Variants in LARP1B observed in about 807,000 individuals in gnomAD.
LARP1B encodes the protein la-related protein 1B.
LARP1B carries 76 observed loss-of-function variants against 114.2 expected under a neutral mutation model. The observed-to-expected ratio is 0.67, with a 90% CI of 0.55 to 0.81. The LOEUF (loss-of-function observed/expected upper bound fraction) is 0.81, where lower values mean the gene tolerates loss of function less well. LARP1B is among the 30% of genes least tolerant of loss of function. The pLI is 0.00. For missense variants in LARP1B, 1,014 were observed against 1,075.8 expected (o/e 0.94, Z 0.80); for synonymous variants, 345 against 348.0 (o/e 0.99, Z 0.10).
rs1407318627 is a variant in LARP1B at position 128,108,425 on chromosome 4, A to C, written c.988+1112A>C. On this transcript the variant is annotated intron_variant, in intron 9 of 19. Coordinates refer to ENST00000326639, the MANE Select transcript of LARP1B (RefSeq NM_018078.4). ...TAAGACTTATTAATGTGGTCACTTAAGGGGTAAGGAATTTAAGAACTGGAT... is the reference window on the plus strand; with the variant it reads ...TAAGACTTATTAATGTGGTCACTTACGGGGTAAGGAATTTAAGAACTGGAT... 6 of 985,990 alleles carry C rather than the reference A, an allele frequency of 6.1e-6. No homozygotes were observed. The African/African-American group carries it at 1.0e-4, about 17-fold the overall frequency. The allele number at this position is 985,990 out of a possible 1,614,324, so 61.1% of individuals were successfully genotyped here. A position where few individuals can be genotyped will look rare whatever the true frequency, so the allele number is the denominator to read the frequency against.
At chr4:128,072,637 A>G (rs1272820304) in intron 1 of LARP1B, among the ~76,000 whole-genome samples, 1 of 151,946 alleles carries the variant, frequency 6.6e-6, no homozygotes, top group Non-Finnish European at 1.5e-5. Flanking sequence ...GCTCACTGCA[A>G]CTTTCACCTC....
intron 12 of LARP1B, among the ~76,000 whole-genome samples, chr4:128,169,657 C>A (rs1328552819): frequency 1.3e-5 from 2 of 151,946 alleles, no homozygotes; most frequent in Non-Finnish European, 2.9e-5. Flanking sequence ...AAGACAGAAT[C>A]TCGGAGTCTC....
At chr4:128,097,596 C>A (rs140376351) in intron 7 of LARP1B, among the ~76,000 whole-genome samples, 3 of 152,152 alleles carry the variant, frequency 2.0e-5, no homozygotes, top group Non-Finnish European at 4.4e-5. Context: ...CATCAGCCAC[C>A]GCGCCTGGCC....
intron 1 of LARP1B, among the ~76,000 whole-genome samples, chr4:128,072,245 C>A (rs964693367): frequency 6.6e-6 from 1 of 152,126 alleles, no homozygotes; most frequent in Non-Finnish European, 1.5e-5. Context: ...AGGTAATCTG[C>A]CTGCGTTGGC....
At chr4:128,154,215 T>C (rs77385292) in intron 11 of LARP1B, among the ~76,000 whole-genome samples, 2,023 of 152,324 alleles carry the variant, frequency 0.013, 19 homozygotes, top group Non-Finnish European at 0.02. Context: ...TTTACCCCTA[T>C]CTTTGGTGTA....
At chr4:128,170,872 C>CTTTTTTTTTT (rs70966085) in intron 12 of LARP1B, among the ~76,000 whole-genome samples, 41 of 94,976 alleles carry the variant, frequency 4.3e-4, no homozygotes, top group African/African-American at 6.8e-4. Context: ...TTTTTCTTTT[C>CTTTTTTTTTT]TTTTTTTTTT....
intron 1 of LARP1B, among the ~76,000 whole-genome samples, chr4:128,067,323 T>C (rs185228868): frequency 5.5e-4 from 84 of 152,320 alleles, no homozygotes; most frequent in Non-Finnish European, 1.0e-3. Context: ...TCTATCCTGC[T>C]CAAACTTGGA....
intron 12 of LARP1B, among the ~76,000 whole-genome samples, chr4:128,170,872 C>CTTTTTTTTTTTT (rs70966085): frequency 2.7e-4 from 26 of 94,984 alleles, no homozygotes; most frequent in Non-Finnish European, 4.1e-4. Flanking sequence ...TTTTTCTTTT[C>CTTTTTTTTTTTT]TTTTTTTTTT....
intron 17 of LARP1B, among the ~76,000 whole-genome samples, chr4:128,203,455 C>T (rs965573106): frequency 1.3e-5 from 2 of 151,826 alleles, no homozygotes; most frequent in African/African-American, 4.8e-5. Flanking sequence ...CTCACTGCAA[C>T]CTCTGCCTCC....
intron 8 of LARP1B, 138 bp downstream of exon 8, chr4:128,098,468 C>G: frequency 1.6e-6 from 1 of 642,190 alleles, no homozygotes; most frequent in Admixed American, 3.3e-5. Context: ...TGATGTTTTT[C>G]TATTTTGTAA....
chr4:128,159,196 A>C (rs996421586), intron 11 of LARP1B, among the ~76,000 whole-genome samples: 1 of 151,916 alleles, frequency 6.6e-6, no homozygotes, highest in African/African-American at 2.4e-5. Flanking sequence ...AAAAAAGGAA[A>C]TATGTTGTGT....
At chr4:128,220,361 G>C in exon 7 of LARP1B, 2 of 963,136 alleles carry the variant, frequency 2.1e-6, no homozygotes, top group Non-Finnish European at 1.2e-6. Context: ...ATAGGAGGCT[G>C]ATCCGATAGA....
chr4:128,166,960 CTCTCTCTCTCTATA>C lies in LARP1B; in HGVS notation c.1648+4645_1648+4658del, dbSNP rs1354271650. ...TCTCTCTCTCTCTCTCTCTCTCTCT[CTCTCTCTCTCTATA>C]TATATATATATATATATATACACAC... is the stretch of plus-strand genomic sequence containing the variant. On this transcript the variant is annotated intron_variant, in intron 12 of 19. Transcript: ENST00000326639. Among the ~76,000 whole-genome samples, 72 of 111,434 alleles carry C rather than the reference CTCTCTCTCTCTATA, an allele frequency of 6.5e-4. No homozygotes were observed. The South Asian group carries it at 0.01, about 16-fold the overall frequency. The allele number at this position is 111,434 out of a possible 152,430, so 73.1% of individuals were successfully genotyped here.
intron 7 of LARP1B, among the ~76,000 whole-genome samples, chr4:128,094,400 C>CTTTTT (rs776529101): frequency 1.1e-4 from 14 of 128,740 alleles, no homozygotes; most frequent in South Asian, 2.5e-4. Flanking sequence ...TTTTCTTTTT[C>CTTTTT]TTTTTTTTTT....
At chr4:128,205,482 A>G (rs1428819075) in intron 17 of LARP1B, among the ~76,000 whole-genome samples, 1 of 152,256 alleles carries the variant, frequency 6.6e-6, no homozygotes. Flanking sequence ...TCTACTGAGC[A>G]GAACTCCTAG....
intron 5 of LARP1B, among the ~76,000 whole-genome samples, chr4:128,084,129 C>T (rs1387936603): frequency 6.6e-6 from 1 of 151,856 alleles, no homozygotes; most frequent in Non-Finnish European, 1.5e-5. Flanking sequence ...AGACGCTTCT[C>T]ACTTTCCAGA....
At chr4:128,065,317 C>CTT (rs781646479) in intron 1 of LARP1B, among the ~76,000 whole-genome samples, 3,637 of 75,878 alleles carry the variant, frequency 0.048, 66 homozygotes, top group African/African-American at 0.057. Flanking sequence ...TTCTTTCTTT[C>CTT]TCTCTCTCTC....
intron 12 of LARP1B, among the ~76,000 whole-genome samples, chr4:128,166,569 C>CT (rs1740908957): frequency 6.6e-6 from 1 of 151,474 alleles, no homozygotes; most frequent in African/African-American, 2.4e-5. Flanking sequence ...ACATAGTTAC[C>CT]TTTTTTTGTG....
At chr4:128,170,872 C>CTTTTTTTTTTT (rs70966085) in intron 12 of LARP1B, among the ~76,000 whole-genome samples, 124 of 94,888 alleles carry the variant, frequency 1.3e-3, no homozygotes, top group Middle Eastern at 7.4e-3. Context: ...TTTTTCTTTT[C>CTTTTTTTTTTT]TTTTTTTTTT....
Sources: allele counts gnomAD v4.1 joint callset (sites outside exome capture counted in the v4.1 genomes callset), GRCh38; gene constraint gnomAD v4.1.1; transcripts MANE v1.5; gene names NCBI Gene and HGNC (gene_info 2026-07-23, HGNC 2026-07-21).